Variants in KLHL13 observed in about 807,000 individuals in gnomAD.
KLHL13 encodes the protein kelch-like protein 13.
In KLHL13, 10 loss-of-function variants were observed where a neutral mutation model predicts 37.1. The ratio of observed to expected loss-of-function variants is 0.27; its 90% CI spans 0.17 to 0.46. KLHL13 has a LOEUF of 0.46. Ranked by LOEUF, KLHL13 falls within the 20% of genes least tolerant of loss-of-function variation. The probability of loss-of-function intolerance (pLI) is 1.00; values close to 1 mark genes in which losing one functional copy is unlikely to be tolerated. For synonymous variants in KLHL13, 163 were observed against 181.2 expected, an observed-to-expected ratio of 0.90 and a Z score of 0.81; for missense variants, 360 against 509.3, an observed-to-expected ratio of 0.71 and a Z score of 2.82.
chrX:117,961,119 A>G (rs1434104191), intron 1 of KLHL13, among the ~76,000 whole-genome samples: 1 of 112,083 alleles, frequency 8.9e-6, no homozygotes, highest in Non-Finnish European at 1.9e-5. Context: ...CTATTTTATA[A>G]AATGTAGAGC....
chrX:118,094,284 G>T (rs1305832192), intron 1 of KLHL13, among the ~76,000 whole-genome samples: 1 of 111,197 alleles, frequency 9.0e-6, no homozygotes, highest in Admixed American at 9.6e-5. Flanking sequence ...GGAAGAAAGG[G>T]TATCAGCGAT....
intron 1 of KLHL13, among the ~76,000 whole-genome samples, chrX:118,004,259 T>C (rs369560238): frequency 1.8e-4 from 20 of 112,036 alleles, no homozygotes; most frequent in African/African-American, 6.2e-4. Context: ...TATAAATGTG[T>C]ATATGTATTT....
At chrX:117,962,280 G>A (rs1477937523) in intron 1 of KLHL13, among the ~76,000 whole-genome samples, 3 of 107,398 alleles carry the variant, frequency 2.8e-5, no homozygotes, top group African/African-American at 1.0e-4. Context: ...ATTTGATATG[G>A]CAGCAATAGA....
intron 1 of KLHL13, chrX:117,946,159 T>C (rs1933309075): frequency 8.9e-6 from 1 of 111,813 alleles, no homozygotes; most frequent in Non-Finnish European, 1.9e-5. Flanking sequence ...TATCTTCTGT[T>C]ATTAGTAGTA....
At chrX:117,938,093 C>T (rs1349875051) in intron 2 of KLHL13, among the ~76,000 whole-genome samples, 1 of 112,131 alleles carries the variant, frequency 8.9e-6, no homozygotes, top group Non-Finnish European at 1.9e-5. Flanking sequence ...ATTAGTACTT[C>T]ATCTTTTAAA....
intron 3 of KLHL13, 76 bp downstream of exon 4, chrX:117,920,162 T>C: frequency 2.8e-6 from 3 of 1,054,387 alleles, no homozygotes; most frequent in Non-Finnish European, 3.9e-6. Context: ...AATTTCATGT[T>C]AGAAATAAAA....
chrX:118,062,496 C>G, intron 1 of KLHL13, among the ~76,000 whole-genome samples: 1 of 109,490 alleles, frequency 9.1e-6, no homozygotes, highest in Non-Finnish European at 1.9e-5. Flanking sequence ...GAAGTAGGTA[C>G]AAGCTTCATT....
At chrX:118,077,061 T>C (rs73597447) in intron 1 of KLHL13, among the ~76,000 whole-genome samples, 1,955 of 110,962 alleles carry the variant, frequency 0.018, 52 homozygotes, top group African/African-American at 0.06. Flanking sequence ...CATCCACCTC[T>C]GTGTTTCCTC....
At chrX:118,031,036 G>T (rs778731743) in intron 1 of KLHL13, among the ~76,000 whole-genome samples, 1 of 111,150 alleles carries the variant, frequency 9.0e-6, no homozygotes, top group South Asian at 3.8e-4. Context: ...GAGGAGCAGG[G>T]AGTAGGTGAT....
chrX:118,008,182 A>G (rs983728240), intron 1 of KLHL13, among the ~76,000 whole-genome samples: 2 of 112,003 alleles, frequency 1.8e-5, no homozygotes, highest in African/African-American at 3.2e-5. Flanking sequence ...AAAATTTTAC[A>G]TAATCTTTCT....
intron 1 of KLHL13, among the ~76,000 whole-genome samples, chrX:118,076,705 T>C (rs2054932185): frequency 9.0e-6 from 1 of 111,405 alleles, no homozygotes; most frequent in African/African-American, 3.3e-5. Context: ...TTGAAGGCCT[T>C]AATAGAAAAA....
intron 5 of KLHL13, among the ~76,000 whole-genome samples, chrX:117,908,813 A>G (rs1406510505): frequency 8.9e-6 from 1 of 112,253 alleles, no homozygotes. Flanking sequence ...ATAATGTTGA[A>G]CTTTGTACAT....
chrX:117,926,940 C>G (rs1289602189), intron 2 of KLHL13, among the ~76,000 whole-genome samples: 1 of 76,051 alleles, frequency 1.3e-5, no homozygotes, highest in Non-Finnish European at 2.3e-5. Flanking sequence ...GAGTCTCGCT[C>G]TGTCGCCCAG....
intron 1 of KLHL13, among the ~76,000 whole-genome samples, chrX:118,109,128 T>C (rs1270881484): frequency 8.9e-6 from 1 of 111,844 alleles, no homozygotes; most frequent in African/African-American, 3.2e-5. Context: ...ATAACCTCTA[T>C]TCTGAAAATA....
chrX:117,969,589 T>C (rs759611396), intron 1 of KLHL13, among the ~76,000 whole-genome samples: 1 of 111,378 alleles, frequency 9.0e-6, no homozygotes, highest in African/African-American at 3.3e-5. Flanking sequence ...AAGCACTCTA[T>C]TTCTATCAAG....
intron 1 of KLHL13, among the ~76,000 whole-genome samples, chrX:118,021,404 G>A (rs1319293631): frequency 9.4e-6 from 1 of 105,871 alleles, no homozygotes; most frequent in Admixed American, 1.0e-4. Context: ...CTTACCCCAC[G>A]ACAGGCCCTG....
chrX:117,909,881 A>G (rs1211776688), exon 5 of KLHL13: 1 of 1,210,208 alleles, frequency 8.3e-7, no homozygotes, highest in African/African-American at 1.7e-5. Context: ...GAAGCCAACG[A>G]CAGGTAGCCT....
At chrX:117,970,222 C>T (rs911798394) in intron 1 of KLHL13, among the ~76,000 whole-genome samples, 2 of 111,692 alleles carry the variant, frequency 1.8e-5, no homozygotes, top group African/African-American at 6.5e-5. Context: ...ATGAAAACCA[C>T]GTAATGTATA....
chrX:117,990,277 G>A (rs1382272356), intron 1 of KLHL13, among the ~76,000 whole-genome samples: 2 of 111,436 alleles, frequency 1.8e-5, no homozygotes, highest in Non-Finnish European at 3.8e-5. Context: ...GAAGAATGAG[G>A]ATGGGGGTGT....
Sources: gnomAD v4.1 joint callset for allele counts (sites outside exome capture counted in the v4.1 genomes callset) on GRCh38, gnomAD v4.1.1 for gene constraint, MANE v1.5 for transcripts, NCBI Gene and HGNC (gene_info 2026-07-23, HGNC 2026-07-21) for gene names.